NPHP4: variants seen among roughly 807,000 people sequenced by gnomAD.
The protein encoded by NPHP4 is nephrocystin 4.
A neutral mutation model predicts 155.8 loss-of-function variants in NPHP4; 151 were observed. That is an observed-to-expected ratio of 0.97 (90% CI 0.85 to 1.11). The LOEUF is 1.11. Among genes scored for constraint, NPHP4 ranks in the 50% least tolerant of loss-of-function variants. The pLI, the probability that NPHP4 is intolerant of heterozygous loss-of-function variation, is 0.00. For missense variants in NPHP4, 1,956 were observed against 1,925.7 expected, an observed-to-expected ratio of 1.02 and a Z score of -0.29; for synonymous variants, 845 against 816.8, an observed-to-expected ratio of 1.03 and a Z score of -0.59.
In NPHP4 at chr1:5,905,568, A is replaced by G; in HGVS notation, c.1763+64T>C. ...TCCCTGTGGAAACCCTGGGGTTCAC[A>G]AGGTCCAACAGTCTGACGGCACAGC... On this transcript the variant is annotated intron_variant, in intron 14 of 29. Coordinates refer to ENST00000378156, the MANE Select transcript of NPHP4 (RefSeq NM_015102.5). This position sits in a 1 kb window ranked among gnomAD's most constrained non-coding sequence, Gnocchi z 4.0. 1 of 1,605,508 alleles carries G rather than the reference A, an allele frequency of 6.2e-7. No individual in the cohort carries two copies. Among genetic ancestry groups the G allele is most frequent in the South Asian group, 1.1e-5 (1 of 90,652 alleles).
intron 10 of NPHP4, among the ~76,000 whole-genome samples, chr1:5,928,032 C>T (rs1646099031): frequency 6.6e-6 from 1 of 152,212 alleles, no homozygotes; most frequent in African/African-American, 2.4e-5. Context: ...ATCGCAATCT[C>T]TCTCGAGTTG....
intron 11 of NPHP4, among the ~76,000 whole-genome samples, chr1:5,911,362 G>A (rs943116790): frequency 2.0e-5 from 3 of 152,306 alleles, no homozygotes; most frequent in Admixed American, 6.5e-5. Flanking sequence ...GGAAAACTCC[G>A]CAGGCTGATT....
At chr1:5,873,421 A>C in intron 22 of NPHP4, 86 bp from the exon 23 acceptor site, 1 of 1,058,298 alleles carries the variant, frequency 9.4e-7, no homozygotes. Context: ...ACTGCCACCC[A>C]GCTGGGAGCC....
At chr1:5,874,286 G>A (rs955371167) in intron 22 of NPHP4, among the ~76,000 whole-genome samples, 185 bp downstream of exon 22, 1 of 131,620 alleles carries the variant, frequency 7.6e-6, no homozygotes, top group Non-Finnish European at 1.7e-5. Context: ...AAAAGAGAAG[G>A]GGCTGGTTGC....
chr1:5,905,198 CA>C lies in NPHP4; in HGVS notation c.1955+93del. On this transcript the variant is annotated intron_variant, in intron 15 of 29. Coordinates refer to ENST00000378156, the MANE Select transcript of NPHP4 (RefSeq NM_015102.5). This position sits in a 1 kb window ranked among gnomAD's most constrained non-coding sequence, Gnocchi z 4.0. ...TCCCGAATCTACTAAGACCTCAGCA[CA>C]GACAGTTCTGCCAGGTCAGAACCTC... 9.7e-7 allele frequency: 1 copy of C among 1,027,076 alleles called. No homozygotes were observed. The highest frequency in any genetic ancestry group is 1.5e-6 in the Non-Finnish European group (1 of 650,534). 63.6% of individuals were successfully genotyped at this position (1,027,076 alleles called of 1,614,324 possible). A position where few individuals can be genotyped will look rare whatever the true frequency, so the allele number is the denominator to read the frequency against.
At chr1:5,946,048 G>A (rs573051438) in intron 9 of NPHP4, among the ~76,000 whole-genome samples, 1 of 152,110 alleles carries the variant, frequency 6.6e-6, no homozygotes, top group Non-Finnish European at 1.5e-5. Flanking sequence ...TATTGTTATT[G>A]TTGTTAAATA....
At chr1:5,981,997 G>C (rs565755081) in intron 2 of NPHP4, among the ~76,000 whole-genome samples, 1 of 151,992 alleles carries the variant, frequency 6.6e-6, no homozygotes, top group African/African-American at 2.4e-5. Flanking sequence ...TCTAGAATTC[G>C]TCTTATTTCT....
intron 19 of NPHP4, 29 bp downstream of exon 19, chr1:5,880,085 C>A: frequency 6.2e-7 from 1 of 1,612,390 alleles, no homozygotes; most frequent in Non-Finnish European, 8.5e-7. Flanking sequence ...ACGACCCACC[C>A]ACACATGGGC....
At chr1:5,984,935 G>T (rs1356337652) in intron 2 of NPHP4, among the ~76,000 whole-genome samples, 2 of 152,216 alleles carry the variant, frequency 1.3e-5, no homozygotes, top group Non-Finnish European at 2.9e-5. Flanking sequence ...CTCTTAATTA[G>T]CAGGTGCTGC....
Position 5,862,924 on chromosome 1 carries a change from A to T in NPHP4, c.*341T>A. 1 of 299,724 alleles carries T rather than the reference A, an allele frequency of 3.3e-6. No individual in the cohort carries two copies. Among genetic ancestry groups the T allele is most frequent in the Non-Finnish European group, 6.4e-6 (1 of 157,058 alleles). 18.6% of individuals were successfully genotyped at this position (299,724 alleles called of 1,614,324 possible). Reference sequence around the variant, plus strand: ...GTTTGTACAAAATCCAGTAAGAAAAACATAATTTTCTCATTTAGGATGATT... The same window carrying T: ...GTTTGTACAAAATCCAGTAAGAAAATCATAATTTTCTCATTTAGGATGATT... On this transcript the variant is annotated 3_prime_UTR_variant, in exon 30 of 30. Transcript: ENST00000378156.
In NPHP4 at chr1:5,905,496, G is replaced by C. The variant is rs1468751511; in HGVS notation, c.1764-13C>G. On this transcript the variant is annotated splice_polypyrimidine_tract_variant and intron_variant, in intron 14 of 29. Coordinates refer to ENST00000378156, the MANE Select transcript of NPHP4 (RefSeq NM_015102.5). This position sits in a 1 kb window ranked among gnomAD's most constrained non-coding sequence, Gnocchi z 4.0. ...CTGCCCTGCAGAGCTGAGACACAGA[G>C]ACTCCTCAGGTAGCCTCCCGGGAAA... 1.9e-6 allele frequency: 3 copies of C among 1,599,342 alleles called. No homozygotes were observed. Among genetic ancestry groups the C allele is most frequent in the Non-Finnish European group, 2.6e-6 (3 of 1,169,210 alleles).
intron 19 of NPHP4, among the ~76,000 whole-genome samples, chr1:5,879,161 C>T (rs1429513748): frequency 6.6e-6 from 1 of 152,080 alleles, no homozygotes; most frequent in East Asian, 1.9e-4. Flanking sequence ...GCCCCTCCCA[C>T]CTCTAACTGC....
chr1:5,881,566 T>C (rs748028914), intron 18 of NPHP4: 11 of 152,076 alleles, frequency 7.2e-5, no homozygotes, highest in Non-Finnish European at 1.3e-4. Flanking sequence ...AAAAGGGCTG[T>C]TGAGGGCAAA....
intron 23 of NPHP4, among the ~76,000 whole-genome samples, chr1:5,868,665 CA>C: frequency 6.6e-6 from 1 of 150,732 alleles, no homozygotes; most frequent in Non-Finnish European, 1.5e-5. Flanking sequence ...CATCCAGCCA[CA>C]AATGCACACA....
intron 5 of NPHP4, among the ~76,000 whole-genome samples, chr1:5,964,931 A>ATT (rs1188241159): frequency 1.3e-4 from 3 of 23,890 alleles, no homozygotes; most frequent in African/African-American, 7.2e-4. Context: ...ATATATATAT[A>ATT]TATATATATA....
intron 3 of NPHP4, among the ~76,000 whole-genome samples, chr1:5,977,427 C>A (rs1653808522): frequency 6.6e-6 from 1 of 152,086 alleles, no homozygotes; most frequent in Non-Finnish European, 1.5e-5. Flanking sequence ...AGAGGCCTCC[C>A]TCGTCACCCA....
At chr1:5,864,869 T>G in intron 27 of NPHP4, 2 of 563,638 alleles carry the variant, frequency 3.5e-6, no homozygotes, top group South Asian at 4.8e-5. Context: ...CTGTTCACCT[T>G]GCCAGGAATT....
At chr1:5,984,305 G>C (rs1655147438) in intron 2 of NPHP4, among the ~76,000 whole-genome samples, 1 of 152,096 alleles carries the variant, frequency 6.6e-6, no homozygotes, top group Non-Finnish European at 1.5e-5. Flanking sequence ...GGTAGAGGCG[G>C]GCAGATCACC....
At chr1:5,981,479 A>C (rs1366714978) in intron 2 of NPHP4, among the ~76,000 whole-genome samples, 1 of 152,190 alleles carries the variant, frequency 6.6e-6, no homozygotes, top group Non-Finnish European at 1.5e-5. Context: ...AAAATTAAAC[A>C]AAAAAAGTAA....
Sources: allele counts gnomAD v4.1 joint callset (sites outside exome capture counted in the v4.1 genomes callset), GRCh38; gene constraint gnomAD v4.1.1; non-coding constraint Gnocchi (gnomAD v3.1); transcripts MANE v1.5; gene names NCBI Gene and HGNC (gene_info 2026-07-23, HGNC 2026-07-21).